The following CTNS variants were observed in gnomAD, a reference collection of about 807,000 sequenced individuals.
CTNS encodes cystinosin, lysosomal cystine transporter.
A neutral mutation model predicts 43.7 loss-of-function variants in CTNS; 27 were observed. That is an observed-to-expected ratio of 0.62 (90% confidence interval 0.46 to 0.85). CTNS has a LOEUF of 0.85. CTNS is among the 40% of genes least tolerant of loss of function. The pLI is 0.00. For missense variants in CTNS, 457 were observed against 475.4 expected, an observed-to-expected ratio of 0.96 and a Z score of 0.36; for synonymous variants, 187 against 190.6, an observed-to-expected ratio of 0.98 and a Z score of 0.16.
At chr17:3,656,436 C>A in intron 7 of CTNS, 51 bp from the exon 8 acceptor site, 1 of 1,177,032 alleles carries the variant, frequency 8.5e-7, no homozygotes, top group Non-Finnish European at 1.2e-6. Context: ...TGTCCCTCCA[C>A]CCCTGCCAGT....
chr17:3,658,824 C>T (rs543345758), intron 10 of CTNS, among the ~76,000 whole-genome samples: 9 of 152,326 alleles, frequency 5.9e-5, no homozygotes, highest in African/African-American at 2.2e-4. Flanking sequence ...GGACTAAGTT[C>T]TGTGGCCAAG....
intron 2 of CTNS, among the ~76,000 whole-genome samples, chr17:3,637,740 G>A (rs530111269): frequency 6.6e-6 from 1 of 152,078 alleles, no homozygotes; most frequent in East Asian, 1.9e-4. Flanking sequence ...GTGCTGGGAT[G>A]ACAGGCGTGA....
intron 5 of CTNS, among the ~76,000 whole-genome samples, chr17:3,649,246 C>G (rs964504988): frequency 6.6e-6 from 1 of 152,052 alleles, no homozygotes; most frequent in Non-Finnish European, 1.5e-5. Flanking sequence ...GTAGGAAGTT[C>G]GAGACCAGCC....
chr17:3,650,355 A>C, intron 5 of CTNS: 1 of 1,544,700 alleles, frequency 6.5e-7, no homozygotes, highest in Non-Finnish European at 8.7e-7. Flanking sequence ...AGAGATGTGC[A>C]CCTGTAATCC....
chr17:3,641,385 T>TATATATATATATATATATATATATATA (rs57286057), intron 3 of CTNS, among the ~76,000 whole-genome samples: 4 of 42,072 alleles, frequency 9.5e-5, no homozygotes, highest in Admixed American at 3.2e-4. Flanking sequence ...TATATATATA[T>TATATATATATATATATATATATATATA]TTTTTTTTTT....
At chr17:3,659,681 C>T (rs1356985921) in intron 10 of CTNS, among the ~76,000 whole-genome samples, 177 bp from the exon 11 acceptor site, 2 of 152,226 alleles carry the variant, frequency 1.3e-5, no homozygotes, top group Non-Finnish European at 2.9e-5. Flanking sequence ...CCCAGGACCA[C>T]CCAAACTGTT....
intron 10 of CTNS, among the ~76,000 whole-genome samples, chr17:3,658,801 CTT>C (rs1002412623): frequency 2.0e-5 from 3 of 152,232 alleles, no homozygotes; most frequent in Admixed American, 6.5e-5. Context: ...GGACTGGACT[CTT>C]AGGCTGAGCA....
intron 2 of CTNS, among the ~76,000 whole-genome samples, chr17:3,637,535 C>T (rs2075562895): frequency 6.6e-6 from 1 of 151,316 alleles, no homozygotes; most frequent in Non-Finnish European, 1.5e-5. Context: ...GGCGCGATCT[C>T]GGCTCACTGC....
Position 3,662,036 on chromosome 17 carries a change from T to C in CTNS, c.*1667T>C, listed in dbSNP as rs1199374088. Among the ~76,000 whole-genome samples the C allele has an allele frequency of 6.6e-6, 1 of 152,074 alleles. No homozygotes were observed. The highest frequency in any genetic ancestry group is 1.5e-5 in the Non-Finnish European group (1 of 68,024). ...CAAATGATTGACTTTTCCGGCTGAG[T>C]GCGGTGGCTCACGCCTGTAATCCCA... On this transcript the variant is annotated 3_prime_UTR_variant, in exon 12 of 12. Coordinates refer to ENST00000046640, the MANE Select transcript of CTNS (RefSeq NM_004937.3).
chr17:3,638,140 C>A (rs1430175787), intron 2 of CTNS, among the ~76,000 whole-genome samples: 1 of 151,994 alleles, frequency 6.6e-6, no homozygotes, highest in African/African-American at 2.4e-5. Context: ...AGGAAGGGCA[C>A]GCCAGACAGA....
intron 2 of CTNS, among the ~76,000 whole-genome samples, chr17:3,638,058 C>T (rs2075582049): frequency 6.6e-6 from 1 of 152,126 alleles, no homozygotes; most frequent in African/African-American, 2.4e-5. Context: ...TGGGAAGGGA[C>T]TGAATGGGTG....
chr17:3,640,124 T>C, intron 2 of CTNS, 64 bp from the exon 3 acceptor site: 4 of 1,327,426 alleles, frequency 3.0e-6, no homozygotes, highest in East Asian at 2.3e-5. Context: ...GGGCAGATTG[T>C]CTACAGGGAG....
chr17:3,656,562 C>G lies in CTNS; in HGVS notation c.537C>G (p.Gly179=), dbSNP rs1033509163. 6.8e-6 allele frequency: 11 copies of G among 1,610,972 alleles called. No individual in the cohort carries two copies. The highest frequency in any genetic ancestry group is 8.5e-6 in the Non-Finnish European group (10 of 1,179,426). ...TGGCCTACAGTGTATTCAACATCGG[C>G]CTCCTCTGGGTGCCCTACATCAAGG... is the stretch of plus-strand genomic sequence containing the variant. The part of the protein sequence containing the change: ...GFVAYSVFNI[G]LLWVPYIKEQ... Residue 179 remains glycine, a synonymous_variant, in exon 8 of 12, where the codon GGC becomes GGG. Transcript: ENST00000046640.
In CTNS at chr17:3,641,385, T is replaced by TATATATATATATATATATATATATA. The variant is rs57286057; in HGVS notation, c.61+1118_61+1119insATATATATATATATATATATATATA. On this transcript the variant is annotated intron_variant, in intron 3 of 11. Transcript: ENST00000046640. Reference sequence around the variant, plus strand: ...ATATATATATATATATATATATATATTTTTTTTTTTTTTTTTTTTTTTTTG... The same window carrying TATATATATATATATATATATATATA: ...ATATATATATATATATATATATATATATATATATATATATATATATATATATTTTTTTTTTTTTTTTTTTTTTTTG... Among the ~76,000 whole-genome samples, 10 of 42,040 alleles carry TATATATATATATATATATATATATA rather than the reference T, an allele frequency of 2.4e-4. 1 individual carries two copies. Among genetic ancestry groups the TATATATATATATATATATATATATA allele is most frequent in the East Asian group, 1.6e-3 (1 of 630 alleles). 27.6% of individuals were successfully genotyped at this position (42,040 alleles called of 152,430 possible). A position where few individuals can be genotyped will look rare whatever the true frequency, so the allele number is the denominator to read the frequency against.
In CTNS at chr17:3,645,096, C is replaced by A. The variant is rs568809232; in HGVS notation, c.62-2348C>A. On this transcript the variant is annotated intron_variant, in intron 3 of 11. Transcript: ENST00000046640. ...ATCTGGCATGGTCCTCAGCTCTAGG[C>A]AGAATTGAACTGGTGGTACAGGAAG... Among the ~76,000 whole-genome samples the A allele has an allele frequency of 2.5e-4, 38 of 152,306 alleles. 1 individual carries two copies. The highest frequency in any genetic ancestry group is 2.1e-3 in the Admixed American group (32 of 15,298).
chr17:3,657,267 G>A (rs186694717), intron 9 of CTNS, among the ~76,000 whole-genome samples: 2 of 152,194 alleles, frequency 1.3e-5, no homozygotes, highest in Admixed American at 6.5e-5. Context: ...CTGAGCAGGC[G>A]GGTGCAGCTG....
chr17:3,658,809 G>A (rs1310415927), intron 10 of CTNS, among the ~76,000 whole-genome samples: 1 of 152,220 alleles, frequency 6.6e-6, no homozygotes, highest in Non-Finnish European at 1.5e-5. Flanking sequence ...CTCTTAGGCT[G>A]AGCAGGACTA....
intron 5 of CTNS, 133 bp downstream of exon 5, chr17:3,649,064 G>T: frequency 1.3e-6 from 1 of 793,142 alleles, no homozygotes; most frequent in Admixed American, 1.9e-5. Context: ...TTTTGGCTTT[G>T]TTGGTGTCTT....
At chr17:3,643,238 C>T (rs993374508) in intron 3 of CTNS, among the ~76,000 whole-genome samples, 10 of 151,778 alleles carry the variant, frequency 6.6e-5, no homozygotes, top group East Asian at 3.9e-4. Context: ...TGCTTGAACC[C>T]GGGAGGCAGA....
Sources: gnomAD v4.1 joint callset for allele counts (sites outside exome capture counted in the v4.1 genomes callset) on GRCh38, gnomAD v4.1.1 for gene constraint, MANE v1.5 for transcripts, NCBI Gene and HGNC (gene_info 2026-07-23, HGNC 2026-07-21) for gene names.